BRWD3: variants seen among roughly 807,000 people sequenced by gnomAD.
BRWD3 encodes the protein bromodomain and WD repeat-containing protein 3.
A neutral mutation model predicts 149.7 loss-of-function variants in BRWD3; 10 were observed. The ratio of observed to expected loss-of-function variants is 0.07; its 90% confidence interval spans 0.04 to 0.11. The LOEUF (loss-of-function observed/expected upper bound fraction) is 0.11, where lower values mean the gene tolerates loss of function less well. Ranked by LOEUF, BRWD3 falls within the 10% of genes least tolerant of loss-of-function variation. BRWD3 has a pLI of 1.00. For synonymous variants in BRWD3, 504 were observed against 456.7 expected (o/e 1.10, Z -1.32); for missense variants, 940 against 1,373.2 (o/e 0.68, Z 4.99).
At position 80,673,296 on chromosome X, in the gene BRWD3, A is replaced by T. The variant is rs756159408; in HGVS notation, c.*3313T>A. On this transcript the variant is annotated 3_prime_UTR_variant, in exon 41 of 41. Transcript: ENST00000373275. ...TGGGGAGGGAAAAAAAAGAAAAAAA[A>T]TTAAAAAGGGAAATAAAAAGAATAG... 5 of 111,214 alleles carry T rather than the reference A, an allele frequency of 4.5e-5. No homozygotes were observed. Among genetic ancestry groups the T allele is most frequent in the African/African-American group, 1.6e-4 (5 of 30,702 alleles). The allele number at this position is 111,214 out of a possible 1,213,427, so 9.2% of individuals were successfully genotyped here.
At chrX:80,795,450 T>C (rs1243113970) in intron 4 of BRWD3, among the ~76,000 whole-genome samples, 1 of 109,832 alleles carries the variant, frequency 9.1e-6, no homozygotes, top group Admixed American at 9.8e-5. Context: ...CGTATATGTA[T>C]GTGTATATGT....
intron 20 of BRWD3, among the ~76,000 whole-genome samples, chrX:80,714,819 C>G (rs929583235): frequency 8.9e-6 from 1 of 111,920 alleles, no homozygotes; most frequent in Non-Finnish European, 1.9e-5. Context: ...CTACTATTTG[C>G]GGACAATATA....
chrX:80,789,758 A>G (rs2074158224), intron 6 of BRWD3, among the ~76,000 whole-genome samples: 1 of 110,175 alleles, frequency 9.1e-6, no homozygotes, highest in African/African-American at 3.3e-5. Flanking sequence ...AAAGTACACC[A>G]TTCATTTAAC....
chrX:80,743,620 C>T (rs1234836679), intron 8 of BRWD3: 1 of 116,398 alleles, frequency 8.6e-6, no homozygotes, highest in Non-Finnish European at 1.8e-5. Flanking sequence ...CTGGTTTTGT[C>T]TTGGGAGGGT....
At chrX:80,716,467 T>C (rs2073075220) in intron 19 of BRWD3, among the ~76,000 whole-genome samples, 2 of 112,184 alleles carry the variant, frequency 1.8e-5, no homozygotes. Context: ...CTGTGACCAT[T>C]AAGCAATAAC....
At chrX:80,762,157 C>T (rs952123739) in intron 6 of BRWD3, among the ~76,000 whole-genome samples, 1 of 111,460 alleles carries the variant, frequency 9.0e-6, no homozygotes, top group African/African-American at 3.3e-5. Context: ...GGGATAATCA[C>T]CATTTCTGAG....
At chrX:80,728,009 C>A (rs750986809) in intron 14 of BRWD3, among the ~76,000 whole-genome samples, 1 of 111,702 alleles carries the variant, frequency 9.0e-6, no homozygotes, top group Non-Finnish European at 1.9e-5. Context: ...AATAGAAGAA[C>A]TTTACATCCC....
intron 6 of BRWD3, among the ~76,000 whole-genome samples, chrX:80,788,935 T>C (rs1386234398): frequency 8.9e-6 from 1 of 111,882 alleles, no homozygotes; most frequent in Non-Finnish European, 1.9e-5. Context: ...TTTCCAGGGG[T>C]TGAGCAAACG....
At chrX:80,688,410 AAGTGTT>A (rs1016001095) in intron 33 of BRWD3, among the ~76,000 whole-genome samples, 2 of 111,641 alleles carry the variant, frequency 1.8e-5, no homozygotes, top group African/African-American at 6.5e-5. Flanking sequence ...AATTGTATCT[AAGTGTT>A]AGTATTTTTT....
In BRWD3 at chrX:80,677,405, T is replaced by G. The variant is rs774987984; in HGVS notation, c.4655-42A>C. ...GATTTTTAATAGTTAAGCTTTGACATTGACAAAATGGTTATTTAGGTTCAA... is the reference window on the plus strand; with the variant it reads ...GATTTTTAATAGTTAAGCTTTGACAGTGACAAAATGGTTATTTAGGTTCAA... On this transcript the variant is annotated intron_variant, in intron 40 of 40. Transcript: ENST00000373275. 5 of 1,172,731 alleles carry G rather than the reference T, an allele frequency of 4.3e-6. No homozygotes were observed. In the South Asian group the frequency reaches 7.9e-5, roughly 19 times the overall value.
intron 26 of BRWD3, 107 bp from the exon 27 acceptor site, chrX:80,696,097 C>T (rs2072687527): frequency 4.6e-6 from 3 of 658,863 alleles, no homozygotes; most frequent in Non-Finnish European, 7.2e-6. Flanking sequence ...GAAAAGTTTG[C>T]AAACCTCACA....
Position 80,669,534 on chromosome X carries a change from C to A in BRWD3, c.*7075G>T, listed in dbSNP as rs929082384. Among the ~76,000 whole-genome samples the A allele has an allele frequency of 9.0e-6, 1 of 111,516 alleles. No homozygotes were observed. The highest frequency in any genetic ancestry group is 3.3e-5 in the African/African-American group (1 of 30,706). The stretch of plus-strand genomic sequence containing the variant: ...ATTAATATTTTAGATGAATAATACT[C>A]AAGGGTAACAAAACAGTACTTTTCA... On this transcript the variant is annotated 3_prime_UTR_variant, in exon 41 of 41. Transcript: ENST00000373275.
chrX:80,687,118 A>G (rs931457484), intron 34 of BRWD3, 115 bp from the exon 35 acceptor site: 3 of 446,970 alleles, frequency 6.7e-6, no homozygotes, highest in African/African-American at 5.2e-5. Context: ...ATATATATAT[A>G]TATATGGCAG....
At chrX:80,790,593 C>T (rs2074170636) in intron 6 of BRWD3, among the ~76,000 whole-genome samples, 2 of 110,042 alleles carry the variant, frequency 1.8e-5, no homozygotes, top group Admixed American at 2.0e-4. Flanking sequence ...GTTTATTTTA[C>T]AAAACCAGCA....
At chrX:80,753,905 T>C (rs1379303315) in intron 6 of BRWD3, among the ~76,000 whole-genome samples, 1 of 111,882 alleles carries the variant, frequency 8.9e-6, no homozygotes, top group Non-Finnish European at 1.9e-5. Context: ...ACCCGTACAA[T>C]GCTGTTTTGG....
intron 8 of BRWD3, among the ~76,000 whole-genome samples, chrX:80,743,451 G>T (rs1033492230): frequency 5.4e-5 from 6 of 111,658 alleles, no homozygotes; most frequent in African/African-American, 2.0e-4. Context: ...CTATTGATTG[G>T]AATAGTTTCA....
At chrX:80,743,739 G>C (rs1051176863) in intron 8 of BRWD3, 14 of 258,183 alleles carry the variant, frequency 5.4e-5, no homozygotes, top group Middle Eastern at 1.1e-3. Context: ...TAATAGGAAA[G>C]AGTGTGCTCT....
At chrX:80,747,350 C>T (rs1353438805) in intron 6 of BRWD3, among the ~76,000 whole-genome samples, 1 of 109,216 alleles carries the variant, frequency 9.2e-6, no homozygotes, top group Non-Finnish European at 1.9e-5. Context: ...TTGCAGCATC[C>T]CTCACCTGTC....
At chrX:80,779,912 G>A (rs896410037) in intron 6 of BRWD3, among the ~76,000 whole-genome samples, 3 of 111,275 alleles carry the variant, frequency 2.7e-5, no homozygotes, top group African/African-American at 9.8e-5. Context: ...AGTTCTACAG[G>A]CTATTGATAT....
Sources: gnomAD v4.1 joint callset for allele counts (sites outside exome capture counted in the v4.1 genomes callset) on GRCh38, gnomAD v4.1.1 for gene constraint, MANE v1.5 for transcripts, NCBI Gene and HGNC (gene_info 2026-07-23, HGNC 2026-07-21) for gene names.